The following CERS6 variants were observed in gnomAD, a reference collection of about 807,000 sequenced individuals.
CERS6 encodes ceramide synthase 6.
Under a neutral mutation model 56.8 loss-of-function variants are expected in CERS6, and 26 were observed. The ratio of observed to expected loss-of-function variants is 0.46; its 90% CI spans 0.34 to 0.63. The LOEUF (loss-of-function observed/expected upper bound fraction) is 0.63. CERS6 is among the 30% of genes least tolerant of loss of function. The probability of loss-of-function intolerance (pLI) is 0.01; values close to 1 mark genes in which losing one functional copy is unlikely to be tolerated. For missense variants in CERS6, 415 were observed against 467.5 expected (o/e 0.89, Z 1.04); for synonymous variants, 164 against 173.3 (o/e 0.95, Z 0.42).
intron 3 of CERS6, among the ~76,000 whole-genome samples, chr2:168,594,820 A>G (rs1683758744): frequency 1.3e-5 from 2 of 152,146 alleles, no homozygotes; most frequent in Admixed American, 1.3e-4. Context: ...AATTTTAGCC[A>G]TTAGCCACTC....
At chr2:168,477,117 C>CTTT (rs78491165) in intron 1 of CERS6, among the ~76,000 whole-genome samples, 2 of 145,670 alleles carry the variant, frequency 1.4e-5, no homozygotes, top group East Asian at 2.1e-4. Flanking sequence ...GGCTCTTTGT[C>CTTT]TTTTTTTTTG....
chr2:168,557,391 G>C (rs1277503497), intron 2 of CERS6, among the ~76,000 whole-genome samples: 1 of 152,028 alleles, frequency 6.6e-6, no homozygotes, highest in Non-Finnish European at 1.5e-5. Flanking sequence ...ATACTAACAG[G>C]GTTCCTTGTG....
intron 1 of CERS6, among the ~76,000 whole-genome samples, chr2:168,459,572 C>T (rs1369199661): frequency 6.6e-6 from 1 of 151,894 alleles, no homozygotes; most frequent in African/African-American, 2.4e-5. Flanking sequence ...CCATACTTAA[C>T]TCCGGGTAAG....
At chr2:168,630,604 C>T (rs1402547550) in intron 3 of CERS6, among the ~76,000 whole-genome samples, 3 of 152,088 alleles carry the variant, frequency 2.0e-5, no homozygotes, top group Non-Finnish European at 4.4e-5. Flanking sequence ...ATATGAACTT[C>T]AGTTAACTCC....
intron 1 of CERS6, among the ~76,000 whole-genome samples, chr2:168,478,384 A>C (rs895190197): frequency 6.6e-6 from 1 of 152,116 alleles, no homozygotes; most frequent in Non-Finnish European, 1.5e-5. Flanking sequence ...CCCAATCTGG[A>C]GGTGTTCATG....
intron 8 of CERS6, among the ~76,000 whole-genome samples, chr2:168,763,407 G>T (rs1166605613): frequency 6.6e-6 from 1 of 151,380 alleles, no homozygotes; most frequent in Non-Finnish European, 1.5e-5. Context: ...AGCACACTCG[G>T]CTGATTTTTT....
chr2:168,492,966 ATCT>A (rs1338765585), intron 1 of CERS6, among the ~76,000 whole-genome samples: 3 of 152,020 alleles, frequency 2.0e-5, no homozygotes, highest in East Asian at 3.9e-4. Flanking sequence ...TTTCCTCTTA[ATCT>A]TCTTCTTTTT....
chr2:168,665,950 GAC>G (rs1685747327), intron 4 of CERS6, among the ~76,000 whole-genome samples: 1 of 115,748 alleles, frequency 8.6e-6, no homozygotes, highest in Admixed American at 1.1e-4. Context: ...AAAATTAGTA[GAC>G]TGTGTGTGTG....
chr2:168,700,381 A>G (rs1210439515), intron 6 of CERS6, among the ~76,000 whole-genome samples: 3 of 152,220 alleles, frequency 2.0e-5, no homozygotes, highest in African/African-American at 4.8e-5. Context: ...ACGTGAAACT[A>G]TGTAGTGTAC....
intron 1 of CERS6, among the ~76,000 whole-genome samples, chr2:168,500,134 G>A (rs1694553742): frequency 6.6e-6 from 1 of 152,056 alleles, no homozygotes; most frequent in African/African-American, 2.4e-5. Flanking sequence ...TTTAAAAATG[G>A]GTCGCTTCTC....
intron 6 of CERS6, among the ~76,000 whole-genome samples, chr2:168,696,723 GC>G (rs1686656866): frequency 6.6e-6 from 1 of 152,146 alleles, no homozygotes; most frequent in South Asian, 2.1e-4. Context: ...GCTCTATGAG[GC>G]CTCCTTGTGA....
chr2:168,606,244 C>T (rs907082703), intron 3 of CERS6: 1 of 152,246 alleles, frequency 6.6e-6, no homozygotes, highest in Non-Finnish European at 1.5e-5. Context: ...GATTTAATGA[C>T]TGCCCTCCTG....
At chr2:168,625,615 G>A (rs1574109156) in intron 3 of CERS6, among the ~76,000 whole-genome samples, 1 of 152,136 alleles carries the variant, frequency 6.6e-6, no homozygotes, top group East Asian at 1.9e-4. Flanking sequence ...TGTAATCAAA[G>A]AGAAGGAGAG....
intron 8 of CERS6, among the ~76,000 whole-genome samples, chr2:168,725,748 GC>G (rs1683332614): frequency 1.3e-5 from 2 of 152,158 alleles, no homozygotes; most frequent in Non-Finnish European, 2.9e-5. Context: ...AATCACTGGT[GC>G]CCCACCTACT....
At chr2:168,682,900 G>A (rs1174273583) in intron 4 of CERS6, among the ~76,000 whole-genome samples, 3 of 152,126 alleles carry the variant, frequency 2.0e-5, no homozygotes, top group Non-Finnish European at 2.9e-5. Context: ...ACTCTTTCTA[G>A]AGAATCCCAA....
intron 8 of CERS6, among the ~76,000 whole-genome samples, chr2:168,764,444 C>T (rs901808553): frequency 1.3e-5 from 2 of 152,170 alleles, no homozygotes; most frequent in African/African-American, 4.8e-5. Context: ...ACCCAGACTG[C>T]ATTCATTGTT....
intron 1 of CERS6, among the ~76,000 whole-genome samples, chr2:168,466,872 C>T (rs1410176604): frequency 6.6e-6 from 1 of 152,164 alleles, no homozygotes; most frequent in Admixed American, 6.5e-5. Context: ...TGCATTCCTT[C>T]ACTAGGTAAC....
At chr2:168,482,563 A>C (rs1694196054) in intron 1 of CERS6, among the ~76,000 whole-genome samples, 1 of 152,218 alleles carries the variant, frequency 6.6e-6, no homozygotes, top group African/African-American at 2.4e-5. Flanking sequence ...TCATGCAAAA[A>C]ATTTGATTTC....
chr2:168,663,056 G>A lies in CERS6; in HGVS notation c.466-27978G>A, dbSNP rs1032534461. On this transcript the variant is annotated intron_variant, in intron 4 of 9. Transcript: ENST00000305747. Reference sequence around the variant, plus strand: ...TAGTATCTTGGTAAAGCTAGGACCCGCTTGAGTTCAGATCTTTAGGAGGTT... The same window carrying A: ...TAGTATCTTGGTAAAGCTAGGACCCACTTGAGTTCAGATCTTTAGGAGGTT... Among the ~76,000 whole-genome samples the A allele has an allele frequency of 2.6e-5, 4 of 152,126 alleles. No homozygotes were observed. In the East Asian group the frequency reaches 7.7e-4, roughly 29 times the overall value.
Sources: gnomAD v4.1 joint callset for allele counts (sites outside exome capture counted in the v4.1 genomes callset) on GRCh38, gnomAD v4.1.1 for gene constraint, MANE v1.5 for transcripts, NCBI Gene and HGNC (gene_info 2026-07-23, HGNC 2026-07-21) for gene names.